CD300LD: variants seen among roughly 807,000 people sequenced by gnomAD.
The protein encoded by CD300LD is CMRF35-like molecule 5.
In CD300LD, 18 loss-of-function variants were observed where a neutral mutation model predicts 20.3. The observed-to-expected ratio is 0.89, with a 90% CI of 0.61 to 1.32. CD300LD has a LOEUF of 1.32. Among genes scored for constraint, CD300LD ranks in the 40% most tolerant of loss-of-function variants. CD300LD has a pLI of 0.00. For synonymous variants in CD300LD, 104 were observed against 90.1 expected, an observed-to-expected ratio of 1.15 and a Z score of -0.87; for missense variants, 195 against 226.6, an observed-to-expected ratio of 0.86 and a Z score of 0.90.
At chr17:74,580,563 C>T (rs1455324333) in intron 3 of CD300LD, among the ~76,000 whole-genome samples, 1 of 152,220 alleles carries the variant, frequency 6.6e-6, no homozygotes, top group African/African-American at 2.4e-5. Flanking sequence ...TGCTCTGACC[C>T]TCTTCCTGTG....
intron 1 of CD300LD, 40 bp from the exon 2 acceptor site, chr17:74,588,889 A>C: frequency 6.8e-7 from 1 of 1,469,186 alleles, no homozygotes; most frequent in Non-Finnish European, 9.4e-7. Flanking sequence ...CTCCCACCCC[A>C]AGGGCAGGGC....
chr17:74,581,195 G>T (rs769056710), intron 3 of CD300LD, among the ~76,000 whole-genome samples: 1 of 152,028 alleles, frequency 6.6e-6, no homozygotes, highest in Non-Finnish European at 1.5e-5. Context: ...AACAGTCGAG[G>T]AGTCCTAAAG....
intron 3 of CD300LD, among the ~76,000 whole-genome samples, chr17:74,581,867 T>C (rs1051831730): frequency 1.3e-5 from 2 of 152,114 alleles, no homozygotes; most frequent in African/African-American, 4.8e-5. Flanking sequence ...TAAACTGAGA[T>C]TGGGGCAGGC....
At chr17:74,589,787 G>C (rs563137148) in intron 1 of CD300LD, among the ~76,000 whole-genome samples, 1 of 152,350 alleles carries the variant, frequency 6.6e-6, no homozygotes, top group East Asian at 1.9e-4. Context: ...ATAAACCATA[G>C]CTGTGATTAG....
intron 2 of CD300LD, among the ~76,000 whole-genome samples, chr17:74,583,533 G>A (rs574490114): frequency 6.7e-6 from 1 of 150,168 alleles, no homozygotes; most frequent in Non-Finnish European, 1.5e-5. Flanking sequence ...CACCCAGTCT[G>A]TGGTATTTTG....
intron 2 of CD300LD, among the ~76,000 whole-genome samples, chr17:74,587,780 C>T (rs1035456123): frequency 6.6e-6 from 1 of 152,032 alleles, no homozygotes; most frequent in Non-Finnish European, 1.5e-5. Context: ...GTCCCTTTGG[C>T]CTGTGGGCTG....
rs2030338464 is a variant in CD300LD at position 74,592,203 on chromosome 17, G to A, written c.-1C>T. 3.1e-6 allele frequency: 5 copies of A among 1,614,052 alleles called. No homozygotes were observed. Among genetic ancestry groups the A allele is most frequent in the Non-Finnish European group, 1.7e-6 (2 of 1,180,028 alleles). ...GCAGCAGAGATGGGGACAGCCACAT[G>A]GTCCTGTCTCCTCTCCTCTCCTTGG... On this transcript the variant is annotated 5_prime_UTR_variant, in exon 1 of 4. Coordinates refer to ENST00000375352, the MANE Select transcript of CD300LD (RefSeq NM_001115152.2).
In CD300LD at chr17:74,580,028, C is replaced by T; in HGVS notation, c.559G>A (p.Val187Ile). Residue 187 changes from valine to isoleucine, a missense_variant, in exon 4 of 4, where the codon GTA (valine) becomes ATA (isoleucine). By Grantham distance (29) the Val-to-Ile change is conservative. Transcript: ENST00000375352. ...LLSMLGTVLWVNRPQRRS is the reference protein window; with the variant it reads ...LLSMLGTVLWINRPQRRS ...CAAGACCTTCTTTGTGGTCTGTTTACCCAGAGGACGGTCCCCAGCATGCTC... is the reference window on the plus strand; with the variant it reads ...CAAGACCTTCTTTGTGGTCTGTTTATCCAGAGGACGGTCCCCAGCATGCTC... 1.2e-6 allele frequency: 2 copies of T among 1,612,694 alleles called. No homozygotes were observed. The highest frequency in any genetic ancestry group is 1.1e-5 in the South Asian group (1 of 90,678).
Position 74,588,552 on chromosome 17 carries a change from C to T in CD300LD, c.338G>A (p.Gly113Glu), listed in dbSNP as rs535122673. 1 of 1,613,732 alleles carries T rather than the reference C, an allele frequency of 6.2e-7. No homozygotes were observed. Among genetic ancestry groups the T allele is most frequent in the East Asian group, 2.2e-5 (1 of 44,870 alleles). The change falls in exon 2 of 4, where the codon GGA (glycine) becomes GAA (glutamate). Residue 113 changes from glycine (G) to glutamate (E), a missense_variant. Transcript: ENST00000375352. Reference sequence around the variant, plus strand: ...TTGAACTTTGACCCCAAGATCAATTCCAGGTCTCTCAGTCCCACACCAATA... The same window carrying T: ...TTGAACTTTGACCCCAAGATCAATTTCAGGTCTCTCAGTCCCACACCAATA... The part of the protein sequence containing the change: ...DSYWCGTERP[G>E]IDLGVKVQVT...
chr17:74,589,213 T>C (rs2143295537), intron 1 of CD300LD, among the ~76,000 whole-genome samples: 1 of 152,360 alleles, frequency 6.6e-6, no homozygotes, highest in South Asian at 2.1e-4. Flanking sequence ...CAGAAGGCCC[T>C]TTTCCAGAAG....
At chr17:74,586,104 A>G (rs991547677) in intron 2 of CD300LD, among the ~76,000 whole-genome samples, 2 of 152,218 alleles carry the variant, frequency 1.3e-5, no homozygotes, top group Non-Finnish European at 1.5e-5. Flanking sequence ...TACTGCGGCT[A>G]CAGAAATGCT....
chr17:74,587,492 C>T (rs955735046), intron 2 of CD300LD, among the ~76,000 whole-genome samples: 2 of 152,176 alleles, frequency 1.3e-5, no homozygotes, highest in Non-Finnish European at 2.9e-5. Context: ...AGAGGTTTAA[C>T]AGTGTTTCTG....
intron 2 of CD300LD, among the ~76,000 whole-genome samples, chr17:74,583,574 T>C (rs2030086148): frequency 6.6e-6 from 1 of 152,178 alleles, no homozygotes; most frequent in Admixed American, 6.5e-5. Flanking sequence ...GGATGATCCA[T>C]TTTCTCTTAC....
intron 1 of CD300LD, among the ~76,000 whole-genome samples, chr17:74,591,259 AAAAAAT>A (rs1183987174): frequency 1.8e-5 from 2 of 112,818 alleles, no homozygotes; most frequent in Middle Eastern, 4.2e-3. Context: ...ACAAAAAAAA[AAAAAAT>A]AAAAATAATA....
At chr17:74,582,598 G>T (rs1038516998) in intron 2 of CD300LD, among the ~76,000 whole-genome samples, 8 of 152,252 alleles carry the variant, frequency 5.3e-5, no homozygotes, top group Non-Finnish European at 1.0e-4. Flanking sequence ...GGCTAGGCTA[G>T]CTCTTTTCTG....
At chr17:74,579,073 T>C (rs1049967735), downstream of CD300LD, among the ~76,000 whole-genome samples, 7 of 152,210 alleles carry the variant, frequency 4.6e-5, no homozygotes, top group African/African-American at 1.7e-4. Context: ...AGTCTTACAG[T>C]GACGAAAGGA....
intron 1 of CD300LD, among the ~76,000 whole-genome samples, chr17:74,589,259 G>T (rs2030248778): frequency 6.6e-6 from 1 of 152,020 alleles, no homozygotes; most frequent in South Asian, 2.1e-4. Flanking sequence ...TGTTCCTAGT[G>T]GTTCTAATGG....
rs1406779870 is a variant in CD300LD, at chr17:74,588,651, G to A, written c.239C>T (p.Ser80Phe). The change falls in exon 2 of 4, where the codon TCC (serine) becomes TTC (phenylalanine). Residue 80 changes from serine to phenylalanine, a missense_variant. Physicochemically the swap from Ser to Phe is radical, Grantham distance 155. Transcript: ENST00000375352. ...GTGGTTTTTCTGATTGTCCCTGATG[G>A]AAACTCGATTCTTCTTTACCTCCTG... The part of the protein sequence containing the change: ...SEQEVKKNRV[S>F]IRDNQKNHVF... 1 of 1,614,028 alleles carries A rather than the reference G, an allele frequency of 6.2e-7. No homozygotes were observed. The highest frequency in any genetic ancestry group is 8.5e-7 in the Non-Finnish European group (1 of 1,180,036).
At chr17:74,588,894 CA>C (rs1443082181) in intron 1 of CD300LD, 45 bp from the exon 2 acceptor site, 1 of 1,421,704 alleles carries the variant, frequency 7.0e-7, no homozygotes, top group East Asian at 2.3e-5. Context: ...ACCCCAAGGG[CA>C]GGGCCACAGC....
Sources: allele counts gnomAD v4.1 joint callset (sites outside exome capture counted in the v4.1 genomes callset), GRCh38; gene constraint gnomAD v4.1.1; transcripts MANE v1.5; gene names NCBI Gene and HGNC (gene_info 2026-07-23, HGNC 2026-07-21).